OR8G5: variants seen among roughly 807,000 people sequenced by gnomAD.
OR8G5 encodes the protein olfactory receptor family 8 subfamily G member 5, also known as olfactory receptor 8G5.
For missense variants in OR8G5, 347 were observed against 371.9 expected, an observed-to-expected ratio of 0.93 and a Z score of 0.55; for synonymous variants, 147 against 147.7, an observed-to-expected ratio of 1.00 and a Z score of 0.03.
intron 1 of OR8G5, among the ~76,000 whole-genome samples, chr11:124,257,340 T>G (rs1861923239): frequency 2.0e-5 from 3 of 152,186 alleles, no homozygotes; most frequent in Admixed American, 2.0e-4. Flanking sequence ...GGGTGTATTC[T>G]TTTTTAATAG....
rs1221143982 is a variant in OR8G5 at position 124,256,647 on chromosome 11, A to G, written c.-15+13A>G. 1 of 152,240 alleles carries G rather than the reference A, an allele frequency of 6.6e-6. No individual in the cohort carries two copies. The highest frequency in any genetic ancestry group is 1.5e-5 in the Non-Finnish European group (1 of 68,034). The allele number at this position is 152,240 out of a possible 1,614,324, so 9.4% of individuals were successfully genotyped here. On this transcript the variant is annotated intron_variant, in intron 1 of 1. Coordinates refer to ENST00000641992, the MANE Select transcript of OR8G5 (RefSeq NM_001005198.2). The stretch of plus-strand genomic sequence containing the variant: ...AGGCAAAAGAAAGGTGAGTGTGTTC[A>G]TCTCACACTTATGATTTGATGCTAT...
rs746374136 is a variant in OR8G5, at chr11:124,265,078, T to G, written c.147T>G (p.Ile49Met). 6.2e-7 allele frequency: 1 copy of G among 1,614,176 alleles called. No homozygotes were observed. Among genetic ancestry groups the G allele is most frequent in the Admixed American group, 1.7e-5 (1 of 60,014 alleles). The stretch of plus-strand genomic sequence containing the variant: ...GGAACCTGGGCATGATCACACTGAT[T>G]GGGCTCAGTTCTCACCTGCACACAC... ...VLGNLGMITL[I>M]GLSSHLHTPM... Residue 49 changes from isoleucine to methionine, a missense_variant, in exon 2 of 2, where the codon ATT becomes ATG. Physicochemically the swap from Ile to Met is conservative, Grantham distance 10. Transcript: ENST00000641992.
chr11:124,265,906 TTTTGG>T lies in OR8G5; in HGVS notation c.*40_*44del. 1.9e-6 allele frequency: 3 copies of T among 1,539,386 alleles called. No homozygotes were observed. In the East Asian group the frequency reaches 6.9e-5, roughly 36 times the overall value. On this transcript the variant is annotated 3_prime_UTR_variant, in exon 2 of 2. Transcript: ENST00000641992. The stretch of plus-strand genomic sequence containing the variant: ...GAAAAAGATTGCATTAGATCTAAGT[TTTTGG>T]CTATGATATTGTATGAAATGATGTC...
intron 1 of OR8G5, among the ~76,000 whole-genome samples, chr11:124,261,555 A>C (rs1861971301): frequency 6.6e-6 from 1 of 151,954 alleles, no homozygotes; most frequent in Non-Finnish European, 1.5e-5. Flanking sequence ...CAACTACTAA[A>C]GGAAGAAATT....
At position 124,265,139 on chromosome 11, in the gene OR8G5, G is replaced by A. The variant is rs1220218445; in HGVS notation, c.208G>A (p.Asp70Asn). The A allele has an allele frequency of 1.2e-6, 2 of 1,614,086 alleles. No individual in the cohort carries two copies. The highest frequency in any genetic ancestry group is 1.7e-6 in the Non-Finnish European group (2 of 1,179,986). The stretch of plus-strand genomic sequence containing the variant: ...TTTCCTCAGCAGTCTGTCCTTCATT[G>A]ACTTCTGCCATTCCACTGTCATTAC... ...YCFLSSLSFI[D>N]FCHSTVITPK... Residue 70 changes from aspartate (D) to asparagine (N), a missense_variant, in exon 2 of 2, where the codon GAC becomes AAC. Physicochemically the swap from Asp to Asn is conservative, Grantham distance 23. Coordinates refer to ENST00000641992, the MANE Select transcript of OR8G5 (RefSeq NM_001005198.2).
At position 124,265,845 on chromosome 11, in the gene OR8G5, TA is replaced by T; in HGVS notation, c.915del (p.Arg308GlufsTer66). The stretch of plus-strand genomic sequence containing the variant: ...GTCCACGTTGCCCTGAAGAAAACGC[TA>T]GGGAAAAGAACATTCTTATGAACAG... ...KDVHVALKKT[L>X]GKRTFL is the part of the protein sequence containing the mutation. On this transcript the variant is annotated frameshift_variant, in exon 2 of 2. Coordinates refer to ENST00000641992, the MANE Select transcript of OR8G5 (RefSeq NM_001005198.2). LOFTEE classifies it low-confidence loss of function (END_TRUNC). 1 of 1,612,542 alleles carries T rather than the reference TA, an allele frequency of 6.2e-7. No homozygotes were observed.
chr11:124,259,492 C>A (rs1007599215), intron 1 of OR8G5, among the ~76,000 whole-genome samples: 3 of 152,012 alleles, frequency 2.0e-5, no homozygotes, highest in Admixed American at 6.6e-5. Context: ...GCAATATGAA[C>A]AAATTAGAAC....
At chr11:124,258,645 G>T (rs1861935503) in intron 1 of OR8G5, among the ~76,000 whole-genome samples, 1 of 152,010 alleles carries the variant, frequency 6.6e-6, no homozygotes, top group East Asian at 1.9e-4. Context: ...GATAGGCATA[G>T]AATAGTACTT....
chr11:124,265,843 G>T lies in OR8G5; in HGVS notation c.912G>T (p.Thr304=), dbSNP rs752756861. The change falls in exon 2 of 2, where the codon ACG becomes ACT. Residue 304 remains threonine, a synonymous_variant. Transcript: ENST00000641992. ...ATGTCCACGTTGCCCTGAAGAAAAC[G>T]CTAGGGAAAAGAACATTCTTATGAA... ...NKDVHVALKK[T]LGKRTFL is the part of the protein sequence containing the mutation. The T allele has an allele frequency of 3.7e-6, 6 of 1,612,354 alleles. No individual in the cohort carries two copies. The highest frequency in any genetic ancestry group is 5.1e-6 in the Non-Finnish European group (6 of 1,179,140).
chr11:124,263,081 G>A lies in OR8G5; in HGVS notation c.-14-1837G>A, dbSNP rs1448140568. Among the ~76,000 whole-genome samples the A allele has an allele frequency of 2.0e-5, 3 of 152,038 alleles. No individual in the cohort carries two copies. In the East Asian group the frequency reaches 5.8e-4, roughly 29 times the overall value. On this transcript the variant is annotated intron_variant, in intron 1 of 1. Transcript: ENST00000641992. ...CATTTCCTTGATTACTAAAAACATT[G>A]GATATATTTTCATAAACTTACTGAC... is the stretch of plus-strand genomic sequence containing the variant.
chr11:124,265,879 A>G lies in OR8G5; in HGVS notation c.*12A>G, dbSNP rs773925490. On this transcript the variant is annotated 3_prime_UTR_variant, in exon 2 of 2. Coordinates refer to ENST00000641992, the MANE Select transcript of OR8G5 (RefSeq NM_001005198.2). ...GAACATTCTTATGAACAGAAGTACA[A>G]TGAAAAAGATTGCATTAGATCTAAG... The G allele has an allele frequency of 1.6e-5, 26 of 1,587,062 alleles. No individual in the cohort carries two copies. In the South Asian group the frequency reaches 2.3e-4, roughly 14 times the overall value.
At chr11:124,258,279 A>G (rs2466679) in intron 1 of OR8G5, among the ~76,000 whole-genome samples, 74,096 of 151,970 alleles carry the variant, frequency 0.49, 18,731 homozygotes, top group East Asian at 0.58. Context: ...ATTCATGGCC[A>G]GGCTCCGTGG....
intron 1 of OR8G5, among the ~76,000 whole-genome samples, chr11:124,264,649 A>G (rs1862009750): frequency 6.6e-6 from 1 of 152,188 alleles, no homozygotes; most frequent in African/African-American, 2.4e-5. Flanking sequence ...GTATTAGCTT[A>G]AAAATACTGA....
At chr11:124,264,866 G>T in intron 1 of OR8G5, 52 bp from the exon 2 acceptor site, 1 of 1,603,266 alleles carries the variant, frequency 6.2e-7, no homozygotes. Context: ...CCTACAAAAG[G>T]AGAATAACAA....
At chr11:124,263,798 T>C (rs1285025232) in intron 1 of OR8G5, among the ~76,000 whole-genome samples, 1 of 152,188 alleles carries the variant, frequency 6.6e-6, no homozygotes, top group Non-Finnish European at 1.5e-5. Flanking sequence ...AAGAAATGTA[T>C]AGATTTTCTA....
chr11:124,262,757 T>C (rs1203912645), intron 1 of OR8G5, among the ~76,000 whole-genome samples: 2 of 152,112 alleles, frequency 1.3e-5, no homozygotes, highest in East Asian at 1.9e-4. Context: ...TTCTAACTTA[T>C]GGTTGTTTTG....
At chr11:124,261,768 A>G (rs1003529145) in intron 1 of OR8G5, among the ~76,000 whole-genome samples, 1 of 151,956 alleles carries the variant, frequency 6.6e-6, no homozygotes, top group Non-Finnish European at 1.5e-5. Context: ...ATGAAAACTG[A>G]TGATATGTTG....
chr11:124,259,562 T>TTAAG (rs71038486), intron 1 of OR8G5, among the ~76,000 whole-genome samples: 72,951 of 151,582 alleles, frequency 0.48, 18,281 homozygotes, highest in East Asian at 0.58. Flanking sequence ...TCTACAGAGA[T>TTAAG]TAGTGTCTGG....
At chr11:124,261,547 A>G (rs1387870547) in intron 1 of OR8G5, among the ~76,000 whole-genome samples, 1 of 151,970 alleles carries the variant, frequency 6.6e-6, no homozygotes, top group Non-Finnish European at 1.5e-5. Flanking sequence ...TAAAGATTCA[A>G]CTACTAAAGG....
Sources: gnomAD v4.1 joint callset for allele counts (sites outside exome capture counted in the v4.1 genomes callset) on GRCh38, gnomAD v4.1.1 for gene constraint, MANE v1.5 for transcripts, NCBI Gene and HGNC (gene_info 2026-07-23, HGNC 2026-07-21) for gene names.